Variants in CYP2C19 observed in about 807,000 individuals in gnomAD.
CYP2C19 encodes the protein cytochrome P450 family 2 subfamily C member 19, also known as cytochrome P450 2C19.
A neutral mutation model predicts 40.9 loss-of-function variants in CYP2C19; 59 were observed. The observed-to-expected ratio is 1.44, with a 90% CI of 1.17 to 1.79. CYP2C19 has a LOEUF of 1.79. Among genes scored for constraint, CYP2C19 ranks in the 40% most tolerant of loss-of-function variants. The pLI is 0.00. For missense variants in CYP2C19, 754 were observed against 596.9 expected, an observed-to-expected ratio of 1.26 and a Z score of -2.74; for synonymous variants, 253 against 208.7, an observed-to-expected ratio of 1.21 and a Z score of -1.83.
At chr10:94,829,331 A>G (rs1201141316) in intron 6 of CYP2C19, among the ~76,000 whole-genome samples, 2 of 152,130 alleles carry the variant, frequency 1.3e-5, no homozygotes, top group Admixed American at 1.3e-4. Context: ...CTTTTCACAT[A>G]GTCCCATATT....
chr10:94,816,255 T>A (rs931739202), intron 5 of CYP2C19, among the ~76,000 whole-genome samples: 1 of 151,238 alleles, frequency 6.6e-6, no homozygotes, highest in East Asian at 1.9e-4. Context: ...TTTTTTTTTT[T>A]CTTTATTTTT....
intron 5 of CYP2C19, among the ~76,000 whole-genome samples, chr10:94,819,179 C>A (rs1433436982): frequency 6.8e-6 from 1 of 146,374 alleles, no homozygotes; most frequent in African/African-American, 2.5e-5. Flanking sequence ...TAAAGATGTT[C>A]TTTGAAACCA....
In CYP2C19 at chr10:94,816,573, CTCTT is replaced by C. The variant is rs532866725; in HGVS notation, c.820-3917_820-3914del. On this transcript the variant is annotated intron_variant, in intron 5 of 8. Transcript: ENST00000371321. ...TACAAAAACATAAGGAAAATGTAGT[CTCTT>C]TCTTTTTTTTTTTATTATACTTTAA... Among the ~76,000 whole-genome samples the C allele has an allele frequency of 2.1e-4, 31 of 150,912 alleles. No individual in the cohort carries two copies. The South Asian group carries it at 5.1e-3, about 25-fold the overall frequency.
At chr10:94,801,331 T>A (rs1589359289) in intron 5 of CYP2C19, among the ~76,000 whole-genome samples, 1 of 152,226 alleles carries the variant, frequency 6.6e-6, no homozygotes, top group Non-Finnish European at 1.5e-5. Context: ...TTATTACTTT[T>A]GCCTTAATTT....
intron 3 of CYP2C19, among the ~76,000 whole-genome samples, chr10:94,780,038 T>C (rs750112060): frequency 6.6e-6 from 1 of 151,250 alleles, no homozygotes; most frequent in Non-Finnish European, 1.5e-5. Context: ...AATTCACCCC[T>C]AGTCTCTCTA....
At chr10:94,842,472 A>G (rs1022699637) in intron 6 of CYP2C19, among the ~76,000 whole-genome samples, 1 of 146,538 alleles carries the variant, frequency 6.8e-6, no homozygotes, top group Non-Finnish European at 1.5e-5. Flanking sequence ...TTGATTGGAA[A>G]TTTTAGTCCA....
chr10:94,774,917 T>G, intron 1 of CYP2C19, 141 bp from the exon 2 acceptor site: 2 of 878,304 alleles, frequency 2.3e-6, no homozygotes, highest in Non-Finnish European at 3.5e-6. Flanking sequence ...TCATCATGTT[T>G]ATATATAAAA....
At chr10:94,772,007 T>C (rs1458749204) in intron 1 of CYP2C19, among the ~76,000 whole-genome samples, 1 of 152,124 alleles carries the variant, frequency 6.6e-6, no homozygotes, top group Non-Finnish European at 1.5e-5. Flanking sequence ...CCCTTACCAA[T>C]GCATTCTCAA....
intron 5 of CYP2C19, among the ~76,000 whole-genome samples, chr10:94,805,346 C>T (rs751027841): frequency 6.6e-6 from 1 of 152,076 alleles, no homozygotes; most frequent in Non-Finnish European, 1.5e-5. Context: ...GTGTAGTGCA[C>T]TGGTTGACTT....
chr10:94,773,429 C>T (rs950638105), intron 1 of CYP2C19, among the ~76,000 whole-genome samples: 6 of 152,158 alleles, frequency 3.9e-5, no homozygotes, highest in African/African-American at 1.4e-4. Flanking sequence ...CAGACCTTCA[C>T]AGTGAATATT....
chr10:94,783,610 GT>G (rs900567772), intron 5 of CYP2C19, among the ~76,000 whole-genome samples: 2 of 151,680 alleles, frequency 1.3e-5, no homozygotes, highest in Non-Finnish European at 2.9e-5. Context: ...TGTGTGAAGG[GT>G]TTTTTTTGGG....
At chr10:94,847,037 A>G (rs1197181400) in intron 7 of CYP2C19, among the ~76,000 whole-genome samples, 2 of 151,634 alleles carry the variant, frequency 1.3e-5, no homozygotes, top group Non-Finnish European at 2.9e-5. Context: ...GCCATTTCCC[A>G]TGTCAACAGA....
intron 5 of CYP2C19, among the ~76,000 whole-genome samples, chr10:94,790,058 A>C (rs985806165): frequency 6.6e-6 from 1 of 152,108 alleles, no homozygotes. Context: ...GAGGTCCTTC[A>C]CATCCTTTGT....
rs767419171 is a variant in CYP2C19, at chr10:94,842,919, A to T, written c.1044A>T (p.Thr348=). The stretch of plus-strand genomic sequence containing the variant: ...AGGACAGGGGCCACATGCCCTACAC[A>T]GATGCTGTGGTGCACGAGGTCCAGA... ...CMQDRGHMPY[T]DAVVHEVQRY... The change falls in exon 7 of 9, where the codon ACA becomes ACT. Residue 348 remains threonine (T), a synonymous_variant. Coordinates refer to ENST00000371321, the MANE Select transcript of CYP2C19 (RefSeq NM_000769.4). The T allele has an allele frequency of 1.9e-6, 3 of 1,614,222 alleles. No homozygotes were observed. The highest frequency in any genetic ancestry group is 1.7e-6 in the Non-Finnish European group (2 of 1,180,030).
intron 6 of CYP2C19, among the ~76,000 whole-genome samples, chr10:94,821,197 C>G (rs1020148446): frequency 6.6e-6 from 1 of 152,168 alleles, no homozygotes; most frequent in Non-Finnish European, 1.5e-5. Context: ...CAATAGAGCT[C>G]TGGCCCAGTG....
chr10:94,797,796 C>T (rs1420656721), intron 5 of CYP2C19, among the ~76,000 whole-genome samples: 2 of 152,056 alleles, frequency 1.3e-5, no homozygotes, highest in Admixed American at 6.6e-5. Flanking sequence ...TTATAGTATT[C>T]TGTGATTGTA....
chr10:94,809,842 G>T (rs1399723265), intron 5 of CYP2C19, among the ~76,000 whole-genome samples: 1 of 151,896 alleles, frequency 6.6e-6, no homozygotes, highest in Non-Finnish European at 1.5e-5. Flanking sequence ...TTTCTCATTG[G>T]TTATGTTTAT....
chr10:94,843,693 C>G (rs2134287426), intron 7 of CYP2C19, among the ~76,000 whole-genome samples: 1 of 152,270 alleles, frequency 6.6e-6, no homozygotes, highest in South Asian at 2.1e-4. Context: ...GAACAGTACA[C>G]TGTATCTGTG....
At chr10:94,812,512 A>C (rs572001790) in intron 5 of CYP2C19, among the ~76,000 whole-genome samples, 1 of 152,256 alleles carries the variant, frequency 6.6e-6, no homozygotes, top group African/African-American at 2.4e-5. Flanking sequence ...CAGGTACACC[A>C]ATCAAACGTA....
Sources: gnomAD v4.1 joint callset for allele counts (sites outside exome capture counted in the v4.1 genomes callset) on GRCh38, gnomAD v4.1.1 for gene constraint, MANE v1.5 for transcripts, NCBI Gene and HGNC (gene_info 2026-07-23, HGNC 2026-07-21) for gene names.